Variants in CERS3 observed in about 807,000 individuals in gnomAD.
CERS3 encodes the protein ceramide synthase 3, also known as LAG1 homolog, ceramide synthase 3.
A neutral mutation model predicts 50.3 loss-of-function variants in CERS3; 33 were observed. The observed-to-expected ratio is 0.66, with a 90% CI of 0.50 to 0.88. The LOEUF is 0.88. Ranked by LOEUF, CERS3 falls within the 40% of genes least tolerant of loss-of-function variation. CERS3 has a pLI of 0.00. For missense variants in CERS3, 470 were observed against 460.3 expected, an observed-to-expected ratio of 1.02 and a Z score of -0.19; for synonymous variants, 176 against 155.2, an observed-to-expected ratio of 1.13 and a Z score of -0.99.
chr15:100,455,817 T>C, intron 11 of CERS3, 76 bp downstream of exon 11: 2 of 909,902 alleles, frequency 2.2e-6, no homozygotes, highest in East Asian at 5.9e-5. Context: ...TGAATTAACT[T>C]GAACATTCAA....
At chr15:100,532,141 C>T (rs1342070868), upstream of CERS3, among the ~76,000 whole-genome samples, 1 of 152,164 alleles carries the variant, frequency 6.6e-6, no homozygotes, top group Non-Finnish European at 1.5e-5. Context: ...AAAAGCTCTC[C>T]TAGCCAAGGG....
At chr15:100,439,304 C>T (rs538787472) in intron 11 of CERS3, among the ~76,000 whole-genome samples, 1 of 152,282 alleles carries the variant, frequency 6.6e-6, no homozygotes, top group African/African-American at 2.4e-5. Context: ...TAATCACCTT[C>T]TTTTCAGTCT....
intron 11 of CERS3, among the ~76,000 whole-genome samples, chr15:100,443,179 C>T (rs1196822277): frequency 2.0e-5 from 3 of 150,542 alleles, no homozygotes; most frequent in African/African-American, 7.3e-5. Context: ...CCTACCTTAA[C>T]CCACAAGTAT....
rs576357425 is a variant in CERS3, at chr15:100,429,566, A to T, written c.999+26327T>A. On this transcript the variant is annotated intron_variant, in intron 11 of 11. Coordinates refer to ENST00000679737, the MANE Select transcript of CERS3 (RefSeq NM_001378789.1). ...TTGGGGCTGATCTCTGCCTCCCTGGAGCGCCCACGCATTCCTCCAAGTTCT... is the reference window on the plus strand; with the variant it reads ...TTGGGGCTGATCTCTGCCTCCCTGGTGCGCCCACGCATTCCTCCAAGTTCT... Among the ~76,000 whole-genome samples, 77 of 152,152 alleles carry T rather than the reference A, an allele frequency of 5.1e-4. No homozygotes were observed. In the Middle Eastern group the frequency reaches 0.01, roughly 20 times the overall value.
At chr15:100,507,298 A>T (rs2036213337) in intron 2 of CERS3, among the ~76,000 whole-genome samples, 1 of 152,214 alleles carries the variant, frequency 6.6e-6, no homozygotes, top group Admixed American at 6.5e-5. Context: ...GGGTGGTCAT[A>T]GACTCCATAA....
intron 1 of CERS3, among the ~76,000 whole-genome samples, chr15:100,522,950 C>T (rs72759193): frequency 0.11 from 16,148 of 152,218 alleles, 929 homozygotes; most frequent in Middle Eastern, 0.15. Context: ...CTCCCAGTGA[C>T]GTATGAGAGT....
At chr15:100,495,938 T>C (rs182270272) in intron 3 of CERS3, among the ~76,000 whole-genome samples, 1 of 152,336 alleles carries the variant, frequency 6.6e-6, no homozygotes. Flanking sequence ...TGTTTCTTCT[T>C]GCACCTGCCC....
At chr15:100,424,649 T>A (rs1036570328) in intron 11 of CERS3, among the ~76,000 whole-genome samples, 1 of 152,208 alleles carries the variant, frequency 6.6e-6, no homozygotes, top group African/African-American at 2.4e-5. Context: ...GTAGAAGAAA[T>A]TTTTAAGCAG....
chr15:100,502,267 A>AAAAAAAAAAAG (rs2036033219), intron 2 of CERS3, among the ~76,000 whole-genome samples: 458 of 109,250 alleles, frequency 4.2e-3, no homozygotes, highest in East Asian at 6.8e-3. Flanking sequence ...AAAAAAAAAA[A>AAAAAAAAAAAG]AAAGAAAGAA....
chr15:100,429,197 T>C lies in CERS3; in HGVS notation c.1000-26332A>G, dbSNP rs542701979. 2.8e-4 allele frequency among the ~76,000 whole-genome samples: 42 copies of C among 152,276 alleles called. 1 individual carries two copies. In the South Asian group the frequency reaches 8.3e-3, roughly 30 times the overall value. On this transcript the variant is annotated intron_variant, in intron 11 of 11. Coordinates refer to ENST00000679737, the MANE Select transcript of CERS3 (RefSeq NM_001378789.1). ...TATCAGTGAGAAAACAGACAAGGTGTTTGTCCTCAGTGAGCTTCTGCACCG... is the reference window on the plus strand; with the variant it reads ...TATCAGTGAGAAAACAGACAAGGTGCTTGTCCTCAGTGAGCTTCTGCACCG...
intron 2 of CERS3, among the ~76,000 whole-genome samples, chr15:100,507,798 CCAG>C (rs975244519): frequency 6.6e-6 from 1 of 152,190 alleles, no homozygotes; most frequent in Non-Finnish European, 1.5e-5. Context: ...ACAATGCTAT[CCAG>C]CAGCAGCAGC....
intron 11 of CERS3, among the ~76,000 whole-genome samples, chr15:100,419,834 T>C (rs1273552476): frequency 2.8e-5 from 4 of 143,050 alleles, no homozygotes; most frequent in Non-Finnish European, 4.6e-5. Flanking sequence ...GAATGACTAC[T>C]GGGTACATAA....
intron 11 of CERS3, among the ~76,000 whole-genome samples, chr15:100,421,525 T>C (rs1047299629): frequency 9.9e-5 from 15 of 151,374 alleles, no homozygotes; most frequent in East Asian, 5.8e-4. Flanking sequence ...AATTTATAGA[T>C]TCAATGCCAT....
chr15:100,527,839 C>T (rs1241473416), intron 1 of CERS3, among the ~76,000 whole-genome samples: 1 of 152,166 alleles, frequency 6.6e-6, no homozygotes, highest in Non-Finnish European at 1.5e-5. Flanking sequence ...GAGAGGGCCA[C>T]ATAATTATTA....
At chr15:100,413,262 T>C (rs2031624892) in intron 11 of CERS3, among the ~76,000 whole-genome samples, 1 of 152,136 alleles carries the variant, frequency 6.6e-6, no homozygotes, top group Admixed American at 6.5e-5. Flanking sequence ...AAAAACATTT[T>C]GAAAATAAAA....
intron 1 of CERS3, among the ~76,000 whole-genome samples, chr15:100,539,829 A>C (rs1910414): frequency 0.5 from 76,027 of 151,860 alleles, 19,348 homozygotes; most frequent in South Asian, 0.6. Flanking sequence ...TGCTTCTGTG[A>C]CATCAAAGCA....
intron 3 of CERS3, among the ~76,000 whole-genome samples, chr15:100,497,700 T>C (rs912867345): frequency 1.3e-5 from 2 of 152,086 alleles, no homozygotes; most frequent in African/African-American, 4.8e-5. Context: ...AGTATACACA[T>C]AGATAAATAT....
intron 11 of CERS3, among the ~76,000 whole-genome samples, chr15:100,432,466 G>A (rs907291073): frequency 6.6e-6 from 1 of 152,200 alleles, no homozygotes; most frequent in African/African-American, 2.4e-5. Context: ...AGACATGGAG[G>A]CTTAATCAAT....
chr15:100,507,174 A>G (rs943815748), intron 2 of CERS3, among the ~76,000 whole-genome samples: 6 of 152,360 alleles, frequency 3.9e-5, no homozygotes, highest in South Asian at 2.1e-4. Flanking sequence ...TTCAGAGTTC[A>G]GCATGACTTT....
Sources: allele counts gnomAD v4.1 joint callset (sites outside exome capture counted in the v4.1 genomes callset), GRCh38; gene constraint gnomAD v4.1.1; transcripts MANE v1.5; gene names NCBI Gene and HGNC (gene_info 2026-07-23, HGNC 2026-07-21).